TMEM156: variants seen among roughly 807,000 people sequenced by gnomAD.
TMEM156 encodes the protein transmembrane protein 156.
A neutral mutation model predicts 30.5 loss-of-function variants in TMEM156; 28 were observed. The ratio of observed to expected loss-of-function variants is 0.92; its 90% CI spans 0.68 to 1.26. The LOEUF (loss-of-function observed/expected upper bound fraction) is 1.26, where lower values mean the gene tolerates loss of function less well. Among genes scored for constraint, TMEM156 ranks in the 50% most tolerant of loss-of-function variants. The probability of loss-of-function intolerance (pLI) is 0.00; values close to 1 mark genes in which losing one functional copy is unlikely to be tolerated. For missense variants in TMEM156, 351 were observed against 340.6 expected (o/e 1.03, Z -0.24); for synonymous variants, 137 against 119.9 (o/e 1.14, Z -0.93).
chr4:38,988,667 A>G (rs1384118385), intron 4 of TMEM156, among the ~76,000 whole-genome samples, 184 bp downstream of exon 4: 4 of 152,108 alleles, frequency 2.6e-5, no homozygotes, highest in African/African-American at 9.7e-5. Flanking sequence ...CCCGAGTAGA[A>G]GAAAGATGAA....
intron 1 of TMEM156, among the ~76,000 whole-genome samples, chr4:39,000,332 C>T (rs187503759): frequency 6.6e-6 from 1 of 152,244 alleles, no homozygotes; most frequent in East Asian, 1.9e-4. Context: ...GTTGAAGCTG[C>T]AGTGAACCAT....
chr4:38,974,708 G>A (rs994533192), intron 5 of TMEM156, among the ~76,000 whole-genome samples: 3 of 131,784 alleles, frequency 2.3e-5, no homozygotes, highest in Non-Finnish European at 4.7e-5. Flanking sequence ...TTTCATTCTT[G>A]TCGCCCAGGC....
intron 1 of TMEM156, among the ~76,000 whole-genome samples, chr4:39,024,869 C>T (rs768223398): frequency 1.3e-5 from 2 of 152,150 alleles, no homozygotes; most frequent in Non-Finnish European, 2.9e-5. Flanking sequence ...GTAAATTATG[C>T]CTGTTAAAAA....
intron 1 of TMEM156, among the ~76,000 whole-genome samples, chr4:39,016,589 T>C (rs1237645135): frequency 2.6e-5 from 4 of 152,192 alleles, no homozygotes; most frequent in African/African-American, 9.6e-5. Context: ...ACAGATAGTA[T>C]TTTTTAATCA....
chr4:38,976,124 T>C (rs535538997), intron 5 of TMEM156, among the ~76,000 whole-genome samples: 17 of 151,840 alleles, frequency 1.1e-4, no homozygotes, highest in Admixed American at 4.6e-4. Context: ...CCATCTCTAC[T>C]AAAAACACAA....
At chr4:38,979,888 T>G (rs1031436818) in intron 5 of TMEM156, among the ~76,000 whole-genome samples, 7 of 152,228 alleles carry the variant, frequency 4.6e-5, no homozygotes, top group Non-Finnish European at 8.8e-5. Flanking sequence ...GTCTCCTTAT[T>G]ACCAGAGAAA....
intron 5 of TMEM156, among the ~76,000 whole-genome samples, chr4:38,981,756 G>T (rs1353792700): frequency 1.3e-5 from 2 of 152,162 alleles, no homozygotes; most frequent in African/African-American, 4.8e-5. Context: ...CATACGGAAG[G>T]TGCTTAATGA....
chr4:38,967,805 AG>A (rs985281290), intron 6 of TMEM156, among the ~76,000 whole-genome samples, 164 bp from the exon 7 acceptor site: 2 of 152,222 alleles, frequency 1.3e-5, no homozygotes, highest in African/African-American at 4.8e-5. Flanking sequence ...GGGCTCTTTC[AG>A]GGCAACCTGA....
At chr4:38,988,140 A>T (rs1712134481) in intron 4 of TMEM156, among the ~76,000 whole-genome samples, 1 of 152,306 alleles carries the variant, frequency 6.6e-6, no homozygotes. Flanking sequence ...CAGCCCTGCC[A>T]AAAATCTGAT....
chr4:38,972,746 A>C (rs1722667889), intron 5 of TMEM156, among the ~76,000 whole-genome samples: 1 of 152,164 alleles, frequency 6.6e-6, no homozygotes, highest in Non-Finnish European at 1.5e-5. Context: ...TTCTGTAGGC[A>C]GTCCAGTCTT....
chr4:38,970,937 C>A (rs1579447471), intron 6 of TMEM156, 95 bp downstream of exon 6: 1 of 749,544 alleles, frequency 1.3e-6, no homozygotes, highest in East Asian at 2.7e-5. Context: ...TTTCTACCTC[C>A]TACCAGATAG....
chr4:38,996,011 A>G (rs888341549), intron 2 of TMEM156, among the ~76,000 whole-genome samples: 1 of 152,130 alleles, frequency 6.6e-6, no homozygotes, highest in African/African-American at 2.4e-5. Context: ...GAGAGAAAAT[A>G]TTTTCAAACT....
intron 1 of TMEM156, among the ~76,000 whole-genome samples, chr4:39,012,941 G>GA (rs112921196): frequency 0.013 from 1,721 of 135,628 alleles, 26 homozygotes; most frequent in African/African-American, 0.041. Flanking sequence ...CTGTGTCTCA[G>GA]AAAAAAAAAA....
At chr4:39,013,128 G>C (rs930559694) in intron 1 of TMEM156, among the ~76,000 whole-genome samples, 1 of 150,508 alleles carries the variant, frequency 6.6e-6, no homozygotes, top group East Asian at 2.0e-4. Flanking sequence ...GTGAGACCTC[G>C]TCTCTATAAA....
chr4:38,984,203 C>T (rs942712047), intron 5 of TMEM156, among the ~76,000 whole-genome samples: 5 of 152,120 alleles, frequency 3.3e-5, no homozygotes, highest in African/African-American at 1.2e-4. Flanking sequence ...TCCACCGTGC[C>T]CCTAGAATCT....
intron 1 of TMEM156, among the ~76,000 whole-genome samples, chr4:39,009,355 C>T (rs1432799028): frequency 6.6e-6 from 1 of 152,044 alleles, no homozygotes; most frequent in African/African-American, 2.4e-5. Context: ...TGAAATAATT[C>T]CAAAAAATTG....
intron 1 of TMEM156, among the ~76,000 whole-genome samples, chr4:39,031,505 A>G (rs2110079779): frequency 6.6e-6 from 1 of 152,336 alleles, no homozygotes; most frequent in South Asian, 2.1e-4. Flanking sequence ...TGTGTGAAAT[A>G]GTTGTAGTAA....
chr4:38,996,643 GT>G (rs1216635335), intron 2 of TMEM156, among the ~76,000 whole-genome samples: 1 of 152,138 alleles, frequency 6.6e-6, no homozygotes, highest in Non-Finnish European at 1.5e-5. Flanking sequence ...CTTGCACAGT[GT>G]TGGTGGGATT....
At chr4:39,008,185 C>T (rs768675320) in intron 1 of TMEM156, among the ~76,000 whole-genome samples, 2 of 152,130 alleles carry the variant, frequency 1.3e-5, no homozygotes, top group Admixed American at 1.3e-4. Flanking sequence ...TGAGAGTGGG[C>T]ATTCTTGCTT....
Sources: allele counts gnomAD v4.1 joint callset (sites outside exome capture counted in the v4.1 genomes callset), GRCh38; gene constraint gnomAD v4.1.1; transcripts MANE v1.5; gene names NCBI Gene and HGNC (gene_info 2026-07-23, HGNC 2026-07-21).